The following MAD1L1 variants were observed in gnomAD, a reference collection of about 807,000 sequenced individuals.
MAD1L1 encodes mitotic arrest deficient 1 like 1, also known as mitotic spindle assembly checkpoint protein MAD1.
MAD1L1 carries 95 observed loss-of-function variants against 96.9 expected under a neutral mutation model. The ratio of observed to expected loss-of-function variants is 0.98; its 90% CI spans 0.83 to 1.16. The LOEUF (loss-of-function observed/expected upper bound fraction) is 1.16, where lower values mean the gene tolerates loss of function less well. Among genes scored for constraint, MAD1L1 ranks in the 50% most tolerant of loss-of-function variants. The pLI is 0.00. For synonymous variants in MAD1L1, 473 were observed against 396.6 expected, an observed-to-expected ratio of 1.19 and a Z score of -2.29; for missense variants, 1,007 against 954.4, an observed-to-expected ratio of 1.06 and a Z score of -0.73.
At chr7:2,018,873 C>A (rs1339294987) in intron 12 of MAD1L1, among the ~76,000 whole-genome samples, 1 of 152,078 alleles carries the variant, frequency 6.6e-6, no homozygotes, top group South Asian at 2.1e-4. Flanking sequence ...GGCTCCAAGG[C>A]TGTTCTGCAC....
chr7:1,840,138 C>A (rs1014603887), intron 18 of MAD1L1, among the ~76,000 whole-genome samples: 3 of 152,232 alleles, frequency 2.0e-5, no homozygotes, highest in Non-Finnish European at 2.9e-5. Context: ...AAGCCCAGGT[C>A]TGACACTCTC....
chr7:1,964,051 G>A (rs1780059668), intron 15 of MAD1L1, among the ~76,000 whole-genome samples: 1 of 152,188 alleles, frequency 6.6e-6, no homozygotes, highest in Admixed American at 6.5e-5. Flanking sequence ...GGGAGACTGA[G>A]GCTCAGAAAG....
At chr7:2,057,734 C>T (rs1784441533) in intron 12 of MAD1L1, among the ~76,000 whole-genome samples, 1 of 152,180 alleles carries the variant, frequency 6.6e-6, no homozygotes, top group African/African-American at 2.4e-5. Flanking sequence ...AAACAACCCG[C>T]ATCAAAATTT....
In MAD1L1 at chr7:1,839,317, T is replaced by TCCTGCCTGGCAGGAAAGCGTCCTGCCC. The variant is rs71023363; in HGVS notation, c.1999-23116_1999-23090dup. Among the ~76,000 whole-genome samples the TCCTGCCTGGCAGGAAAGCGTCCTGCCC allele has an allele frequency of 5.2e-3, 364 of 69,560 alleles. 8 individuals carry two copies. In the East Asian group the frequency reaches 0.063, roughly 12 times the overall value. 45.6% of individuals were successfully genotyped at this position (69,560 alleles called of 152,430 possible). A position where few individuals can be genotyped will look rare whatever the true frequency, so the allele number is the denominator to read the frequency against. ...TCGGGGTCCCAGGGAGGGCTCTGCCTCCTGCCTGGCAGGAAAGCGTCCTGC... is the reference window on the plus strand; with the variant it reads ...TCGGGGTCCCAGGGAGGGCTCTGCCTCCTGCCTGGCAGGAAAGCGTCCTGCCCCCTGCCTGGCAGGAAAGCGTCCTGC... On this transcript the variant is annotated intron_variant, in intron 18 of 18. Coordinates refer to ENST00000265854, the MANE Select transcript of MAD1L1 (RefSeq NM_001013836.2).
At chr7:2,006,186 C>T (rs966275780) in intron 13 of MAD1L1, among the ~76,000 whole-genome samples, 2 of 152,156 alleles carry the variant, frequency 1.3e-5, no homozygotes, top group East Asian at 1.9e-4. Flanking sequence ...ACCGAGAGAA[C>T]ACAGACGAGC....
chr7:1,874,330 G>A (rs531369008), intron 18 of MAD1L1, among the ~76,000 whole-genome samples: 2 of 152,150 alleles, frequency 1.3e-5, no homozygotes, highest in Admixed American at 1.3e-4. Flanking sequence ...GACAGAGGGG[G>A]TGACCGTGGC....
chr7:1,988,437 G>A (rs1366865137), intron 14 of MAD1L1, among the ~76,000 whole-genome samples: 1 of 152,184 alleles, frequency 6.6e-6, no homozygotes, highest in Admixed American at 6.5e-5. Flanking sequence ...GACAGATCAG[G>A]GCCCCACCAA....
chr7:2,030,544 A>G (rs1426717496), intron 12 of MAD1L1, among the ~76,000 whole-genome samples: 1 of 152,190 alleles, frequency 6.6e-6, no homozygotes, highest in Non-Finnish European at 1.5e-5. Flanking sequence ...CTTGATGTGC[A>G]GAGGCCCCTG....
intron 18 of MAD1L1, among the ~76,000 whole-genome samples, chr7:1,887,948 C>T: frequency 6.9e-6 from 1 of 144,812 alleles, no homozygotes; most frequent in Admixed American, 6.8e-5. Flanking sequence ...TGTGTGTATG[C>T]ACATGTGTAT....
intron 16 of MAD1L1, among the ~76,000 whole-genome samples, chr7:1,938,840 GCACACACACACACA>G (rs72439038): frequency 9.9e-5 from 9 of 90,986 alleles, no homozygotes; most frequent in Admixed American, 3.9e-4. Flanking sequence ...GGGGCCAGAG[GCACACACACACACA>G]CACACACACA....
intron 9 of MAD1L1, among the ~76,000 whole-genome samples, chr7:2,213,747 C>G (rs752071880): frequency 6.6e-6 from 1 of 152,182 alleles, no homozygotes; most frequent in Non-Finnish European, 1.5e-5. Flanking sequence ...ACCAGCAGGC[C>G]CTAGGAGAGG....
intron 2 of MAD1L1, 173 bp downstream of exon 2, chr7:2,230,376 A>G: frequency 2.2e-6 from 1 of 449,042 alleles, no homozygotes; most frequent in Non-Finnish European, 4.1e-6. Context: ...CAAGCCACCA[A>G]TTGAGTCTCA....
intron 10 of MAD1L1, among the ~76,000 whole-genome samples, chr7:2,164,477 C>T (rs927034358): frequency 1.3e-5 from 2 of 151,972 alleles, no homozygotes; most frequent in Admixed American, 6.6e-5. Flanking sequence ...CCACGCCCAT[C>T]GCCCGAGCAG....
chr7:1,936,242 G>A lies in MAD1L1; in HGVS notation c.1807+445C>T, dbSNP rs1778594103. On this transcript the variant is annotated intron_variant, in intron 17 of 18. Coordinates refer to ENST00000265854, the MANE Select transcript of MAD1L1 (RefSeq NM_001013836.2). ...GACCTGGAGGGTGTGGGCAGGCCCT[G>A]CTGGCCCTCATGGAGGCCTCATTCT... Among the ~76,000 whole-genome samples, 5 of 152,366 alleles carry A rather than the reference G, an allele frequency of 3.3e-5. No homozygotes were observed. The Middle Eastern group carries it at 0.01, about 311-fold the overall frequency.
intron 10 of MAD1L1, among the ~76,000 whole-genome samples, chr7:2,194,661 C>T (rs748669241): frequency 1.4e-4 from 21 of 152,124 alleles, no homozygotes; most frequent in Non-Finnish European, 2.5e-4. Flanking sequence ...AAAAAACGTA[C>T]CAGACTCTGC....
intron 11 of MAD1L1, among the ~76,000 whole-genome samples, chr7:2,086,035 C>G (rs1350033633): frequency 8.5e-5 from 13 of 152,326 alleles, no homozygotes; most frequent in Admixed American, 8.5e-4. Context: ...GCTCCACCTA[C>G]CCCCAGGAAT....
At chr7:1,956,889 G>A (rs1167878087) in intron 16 of MAD1L1, among the ~76,000 whole-genome samples, 2 of 152,234 alleles carry the variant, frequency 1.3e-5, no homozygotes, top group Non-Finnish European at 2.9e-5. Flanking sequence ...GCTGGAGCAG[G>A]GAAGCCGTAA....
chr7:1,976,948 C>A (rs1313970717), intron 15 of MAD1L1, among the ~76,000 whole-genome samples: 2 of 152,262 alleles, frequency 1.3e-5, no homozygotes, highest in African/African-American at 4.8e-5. Context: ...CGTTTACAAA[C>A]CTTTAGCTAG....
intron 17 of MAD1L1, among the ~76,000 whole-genome samples, chr7:1,911,090 C>G (rs1007738495): frequency 1.2e-4 from 18 of 151,980 alleles, no homozygotes; most frequent in Admixed American, 9.2e-4. Context: ...TGTCTAAGTG[C>G]TACTCCCACA....
Sources: allele counts gnomAD v4.1 joint callset (sites outside exome capture counted in the v4.1 genomes callset), GRCh38; gene constraint gnomAD v4.1.1; transcripts MANE v1.5; gene names NCBI Gene and HGNC (gene_info 2026-07-23, HGNC 2026-07-21).